DSCAML1: variants seen among roughly 807,000 people sequenced by gnomAD.
DSCAML1 encodes DS cell adhesion molecule like 1.
Under a neutral mutation model 200.5 loss-of-function variants are expected in DSCAML1, and 38 were observed. The observed-to-expected ratio is 0.19, with a 90% CI of 0.15 to 0.25. The LOEUF is 0.25. Ranked by LOEUF, DSCAML1 falls within the 10% of genes least tolerant of loss-of-function variation. The pLI is 1.00. For synonymous variants in DSCAML1, 1,215 were observed against 1,165.0 expected (o/e 1.04, Z -0.87); for missense variants, 2,223 against 2,858.8 (o/e 0.78, Z 5.07).
intron 3 of DSCAML1, among the ~76,000 whole-genome samples, chr11:117,639,037 A>G (rs1296532076): frequency 6.6e-6 from 1 of 152,124 alleles, no homozygotes; most frequent in Non-Finnish European, 1.5e-5. Context: ...AGCACTATTC[A>G]TTATCTGTCT....
Position 117,521,287 on chromosome 11 carries a change from C to G in DSCAML1, c.1056G>C (p.Thr352=), listed in dbSNP as rs541933869. ...TGGCCTCGTCAGGCAGCACCAGCTC[C>G]GTGTTGCGATACCAGCGGATGGTGA... is the stretch of plus-strand genomic sequence containing the variant. ...PEFTIRWYRN[T]ELVLPDEAIS... is the part of the protein sequence containing the mutation. The change falls in exon 6 of 33, where the codon ACG becomes ACC. Residue 352 remains threonine, a synonymous_variant. Transcript: ENST00000651296. 6.2e-7 allele frequency: 1 copy of G among 1,614,192 alleles called. No homozygotes were observed. Among genetic ancestry groups the G allele is most frequent in the Admixed American group, 1.7e-5 (1 of 60,030 alleles).
intron 3 of DSCAML1, among the ~76,000 whole-genome samples, chr11:117,535,287 G>A (rs977784900): frequency 5.9e-5 from 9 of 152,194 alleles, no homozygotes; most frequent in Non-Finnish European, 1.2e-4. Flanking sequence ...CTCTGTCCTT[G>A]GACAGTGGTT....
At chr11:117,746,972 T>C (rs2054529300) in intron 3 of DSCAML1, among the ~76,000 whole-genome samples, 1 of 152,226 alleles carries the variant, frequency 6.6e-6, no homozygotes, top group Non-Finnish European at 1.5e-5. Context: ...AGATTTGTCC[T>C]GCCTCTGGAC....
chr11:117,465,902 A>G (rs945742422), intron 16 of DSCAML1, among the ~76,000 whole-genome samples: 1 of 152,214 alleles, frequency 6.6e-6, no homozygotes, highest in African/African-American at 2.4e-5. Flanking sequence ...GTCCCAAGAT[A>G]CCACTTCACA....
intron 3 of DSCAML1, among the ~76,000 whole-genome samples, chr11:117,539,868 A>T (rs2050236363): frequency 6.6e-6 from 1 of 152,224 alleles, no homozygotes; most frequent in Non-Finnish European, 1.5e-5. Flanking sequence ...AGGTGGAAGA[A>T]ACCAAACTGT....
At chr11:117,597,310 A>G (rs1188090446) in intron 3 of DSCAML1, among the ~76,000 whole-genome samples, 3 of 152,146 alleles carry the variant, frequency 2.0e-5, no homozygotes, top group Non-Finnish European at 2.9e-5. Context: ...GGCCTCAGTC[A>G]CCTTACTTGC....
intron 3 of DSCAML1, among the ~76,000 whole-genome samples, chr11:117,734,889 A>C (rs1366503740): frequency 6.6e-6 from 1 of 152,196 alleles, no homozygotes. Context: ...GAGTGGGCCC[A>C]GGGAAAGCCA....
chr11:117,571,921 G>A (rs867626145), intron 3 of DSCAML1, among the ~76,000 whole-genome samples: 1 of 152,168 alleles, frequency 6.6e-6, no homozygotes, highest in Non-Finnish European at 1.5e-5. Context: ...ACCTCTGGTC[G>A]TCCTCATTGC....
intron 19 of DSCAML1, 69 bp from the exon 20 acceptor site, chr11:117,450,757 T>C (rs1206573745): frequency 1.3e-6 from 2 of 1,546,388 alleles, no homozygotes; most frequent in Non-Finnish European, 1.7e-6. Flanking sequence ...AATGACAGAG[T>C]TGGGAGAGGG....
rs528227076 is a variant in DSCAML1 at position 117,792,688 on chromosome 11, G to T, written c.46+4346C>A. 3.5e-4 allele frequency among the ~76,000 whole-genome samples: 53 copies of T among 152,256 alleles called. 1 individual carries two copies. In the Middle Eastern group the frequency reaches 0.01, roughly 29 times the overall value. ...TCACTACCTGCTGATGGCAGCCCTA[G>T]GCACCCAGCTCCCTGCATTCTAGGG... is the stretch of plus-strand genomic sequence containing the variant. On this transcript the variant is annotated intron_variant, in intron 1 of 32. Coordinates refer to ENST00000651296, the MANE Select transcript of DSCAML1 (RefSeq NM_020693.4).
At chr11:117,593,898 A>G (rs2051310403) in intron 3 of DSCAML1, among the ~76,000 whole-genome samples, 1 of 151,954 alleles carries the variant, frequency 6.6e-6, no homozygotes, top group East Asian at 1.9e-4. Context: ...TATTTTTAGT[A>G]GAGACGGTGT....
chr11:117,655,039 C>A (rs2052705551), intron 3 of DSCAML1, among the ~76,000 whole-genome samples: 1 of 152,274 alleles, frequency 6.6e-6, no homozygotes, highest in Admixed American at 6.5e-5. Context: ...GCCAGCACAT[C>A]CCCTCTCTCC....
At chr11:117,669,591 A>G (rs965814026) in intron 3 of DSCAML1, among the ~76,000 whole-genome samples, 23 of 152,242 alleles carry the variant, frequency 1.5e-4, no homozygotes, top group African/African-American at 5.5e-4. Context: ...TGTAGTTAGG[A>G]AGACCAGATT....
At chr11:117,644,585 G>A (rs962175931) in intron 3 of DSCAML1, among the ~76,000 whole-genome samples, 5 of 152,220 alleles carry the variant, frequency 3.3e-5, no homozygotes, top group African/African-American at 1.2e-4. Flanking sequence ...GAGGCGAGGC[G>A]GCCACAACGC....
At chr11:117,465,406 C>T (rs1444608487) in intron 16 of DSCAML1, among the ~76,000 whole-genome samples, 1 of 152,222 alleles carries the variant, frequency 6.6e-6, no homozygotes, top group Non-Finnish European at 1.5e-5. Context: ...TCCTGCGCCC[C>T]AGCACTCTGG....
intron 3 of DSCAML1, among the ~76,000 whole-genome samples, chr11:117,609,069 T>A (rs1198020121): frequency 1.3e-5 from 2 of 151,876 alleles, no homozygotes; most frequent in African/African-American, 4.8e-5. Flanking sequence ...CATGGTGTTG[T>A]GTGCCTGTAA....
At chr11:117,460,369 T>A (rs2048454617) in intron 18 of DSCAML1, among the ~76,000 whole-genome samples, 1 of 151,952 alleles carries the variant, frequency 6.6e-6, no homozygotes, top group Non-Finnish European at 1.5e-5. Flanking sequence ...CAGAGCAGAA[T>A]CTGGATGGGA....
chr11:117,438,590 CTAG>C (rs59472883), intron 24 of DSCAML1, among the ~76,000 whole-genome samples: 57,160 of 151,774 alleles, frequency 0.38, 12,377 homozygotes, highest in East Asian at 0.82. Flanking sequence ...AAGCACTGAT[CTAG>C]TAGTCCATTT....
chr11:117,651,416 C>T (rs772828787), intron 3 of DSCAML1, among the ~76,000 whole-genome samples: 31 of 152,150 alleles, frequency 2.0e-4, no homozygotes, highest in Non-Finnish European at 3.8e-4. Context: ...AGAATGATTG[C>T]ACCCCTAGGC....
Sources: gnomAD v4.1 joint callset for allele counts (sites outside exome capture counted in the v4.1 genomes callset) on GRCh38, gnomAD v4.1.1 for gene constraint, MANE v1.5 for transcripts, NCBI Gene and HGNC (gene_info 2026-07-23, HGNC 2026-07-21) for gene names.